MYT1: variants seen among roughly 807,000 people sequenced by gnomAD.
The protein encoded by MYT1 is myelin transcription factor 1, also known as myelin transcription factor I.
A neutral mutation model predicts 123.0 loss-of-function variants in MYT1; 23 were observed. The ratio of observed to expected loss-of-function variants is 0.19; its 90% CI spans 0.13 to 0.26. MYT1 has a LOEUF of 0.26. Ranked by LOEUF, MYT1 falls within the 10% of genes least tolerant of loss-of-function variation. MYT1 has a pLI of 1.00. For missense variants in MYT1, 1,125 were observed against 1,472.5 expected, an observed-to-expected ratio of 0.76 and a Z score of 3.86; for synonymous variants, 518 against 575.3, an observed-to-expected ratio of 0.90 and a Z score of 1.43.
chr20:64,199,144 G>T (rs1435702579), intron 3 of MYT1, among the ~76,000 whole-genome samples: 1 of 152,222 alleles, frequency 6.6e-6, no homozygotes, highest in Non-Finnish European at 1.5e-5. Flanking sequence ...AAATGTTGAG[G>T]TAGACCCAGC....
In MYT1 at chr20:64,227,473, C is replaced by A; in HGVS notation, c.2587C>A (p.Arg863=). The A allele has an allele frequency of 1.9e-6, 3 of 1,611,980 alleles. No homozygotes were observed. The highest frequency in any genetic ancestry group is 1.3e-5 in the African/African-American group (1 of 75,050). The change falls in exon 17 of 23, where the codon CGG becomes AGG. Residue 863 remains arginine (R), a synonymous_variant. Coordinates refer to ENST00000328439, the MANE Select transcript of MYT1 (RefSeq NM_004535.3). ...GHITGNYASH[R]SLSGCPRAKK... is the part of the protein sequence containing the mutation. ...CATCACAGGGAACTACGCTTCACACCGGAGGTGAGCCTGCCACACCCTCAG... is the reference window on the plus strand; with the variant it reads ...CATCACAGGGAACTACGCTTCACACAGGAGGTGAGCCTGCCACACCCTCAG...
chr20:64,235,559 C>T (rs1984492928), intron 19 of MYT1, among the ~76,000 whole-genome samples: 1 of 142,656 alleles, frequency 7.0e-6, no homozygotes, highest in Non-Finnish European at 1.5e-5. Context: ...GTATGTGACC[C>T]CGGGATGGTC....
rs562921725 is a variant in MYT1 at position 64,227,880 on chromosome 20, G to A, written c.2592-8G>A. On this transcript the variant is annotated splice_region_variant and splice_polypyrimidine_tract_variant and intron_variant, in intron 17 of 22. Coordinates refer to ENST00000328439, the MANE Select transcript of MYT1 (RefSeq NM_004535.3). ...CTAAGGTGGCCTTTTTTCCTCTTTC[G>A]AAATCAGCTTGTCCGGCTGCCCTCG... 5.7e-5 allele frequency: 92 copies of A among 1,608,836 alleles called. No individual in the cohort carries two copies. Among genetic ancestry groups the A allele is most frequent in the Non-Finnish European group, 6.0e-5 (71 of 1,178,232 alleles).
At position 64,186,760 on chromosome 20, in the gene MYT1, G is replaced by T. The variant is rs1296293006; in HGVS notation, c.-98-3303G>T. Among the ~76,000 whole-genome samples the T allele has an allele frequency of 6.6e-6, 1 of 152,250 alleles. No individual in the cohort carries two copies. Among genetic ancestry groups the T allele is most frequent in the Non-Finnish European group, 1.5e-5 (1 of 68,048 alleles). ...CCACGTTTCCGTGGAGAGATTTCCT[G>T]TAGCCCGTGGCCCCGGCATCCACGT... On this transcript the variant is annotated intron_variant, in intron 1 of 22. Transcript: ENST00000328439. The surrounding 1 kb of genome is among the most constrained non-coding windows in gnomAD (Gnocchi z 4.3).
intron 1 of MYT1, among the ~76,000 whole-genome samples, chr20:64,173,520 T>G (rs1295016619): frequency 1.0e-4 from 13 of 128,336 alleles, no homozygotes; most frequent in South Asian, 2.6e-4. Flanking sequence ...CCTCCCTGAC[T>G]TCTCCTCCTG....
intron 1 of MYT1, among the ~76,000 whole-genome samples, chr20:64,178,805 C>T (rs1489098900): frequency 1.5e-5 from 2 of 130,344 alleles, no homozygotes; most frequent in Non-Finnish European, 3.2e-5. Context: ...AGCACTGAGC[C>T]GTTATTTGGT....
At chr20:64,176,498 T>C (rs188990009) in intron 1 of MYT1, among the ~76,000 whole-genome samples, 3 of 152,352 alleles carry the variant, frequency 2.0e-5, no homozygotes, top group Non-Finnish European at 4.4e-5. Flanking sequence ...TCTTCTAGCA[T>C]CTTTCCTGCT....
Position 64,240,320 on chromosome 20 carries a change from G to A in MYT1, c.3238G>A (p.Glu1080Lys). 1 of 1,613,756 alleles carries A rather than the reference G, an allele frequency of 6.2e-7. No individual in the cohort carries two copies. The highest frequency in any genetic ancestry group is 8.5e-7 in the Non-Finnish European group (1 of 1,179,818). ...SLANIRLPHM[E>K]PICEQNFDAY... ...TTGCTAACCTGGTTCTGTTCTCTAG[G>A]AGCCAATATGCGAACAGAATTTCGA... The change falls in exon 23 of 23, where the codon GAG becomes AAG. Residue 1080 changes from glutamate (E) to lysine (K), a missense_variant and splice_region_variant. Physicochemically the swap from Glu to Lys is moderately conservative, Grantham distance 56 (BLOSUM62 1). Around this residue, in one of 4 missense-constraint regions of MYT1, gnomAD observed 243 missense variants for 323.1 expected, o/e 0.75. Coordinates refer to ENST00000328439, the MANE Select transcript of MYT1 (RefSeq NM_004535.3).
At chr20:64,180,233 C>T (rs1214800510) in intron 1 of MYT1, among the ~76,000 whole-genome samples, 1 of 152,176 alleles carries the variant, frequency 6.6e-6, no homozygotes, top group Non-Finnish European at 1.5e-5. Flanking sequence ...ACACACGCCA[C>T]ACACACACCC....
At chr20:64,230,623 C>T (rs573153462) in intron 18 of MYT1, among the ~76,000 whole-genome samples, 1 of 152,368 alleles carries the variant, frequency 6.6e-6, no homozygotes, top group East Asian at 1.9e-4. Flanking sequence ...CCAGTCTGTG[C>T]CTGGTGCAGG....
Position 64,218,767 on chromosome 20 carries a change from C to T in MYT1, c.1847-144C>T. On this transcript the variant is annotated intron_variant, in intron 11 of 22. Transcript: ENST00000328439. This position sits in a 1 kb window ranked among gnomAD's most constrained non-coding sequence, Gnocchi z 4.0. ...TCCCAAAGTGCCCCCTCCCCACTGACTTGTCTGCATTGCTGCCTCTTTTCA... is the reference window on the plus strand; with the variant it reads ...TCCCAAAGTGCCCCCTCCCCACTGATTTGTCTGCATTGCTGCCTCTTTTCA... 1 of 1,068,606 alleles carries T rather than the reference C, an allele frequency of 9.4e-7. No individual in the cohort carries two copies. Among genetic ancestry groups the T allele is most frequent in the Non-Finnish European group, 1.4e-6 (1 of 711,582 alleles). The allele number at this position is 1,068,606 out of a possible 1,614,324, so 66.2% of individuals were successfully genotyped here.
At chr20:64,229,800 G>T (rs1984270233) in intron 18 of MYT1, among the ~76,000 whole-genome samples, 1 of 152,196 alleles carries the variant, frequency 6.6e-6, no homozygotes, top group African/African-American at 2.4e-5. Context: ...TCAGGCGCTT[G>T]GTGGTAAATC....
At position 64,212,566 on chromosome 20, in the gene MYT1, A is replaced by G. The variant is rs1468278895; in HGVS notation, c.1517+428A>G. ...AGGGAGCAATGCACCCTCTGTGAAG[A>G]GAGGTACAACAACCATGTGAGAGCC... On this transcript the variant is annotated intron_variant, in intron 9 of 22. Transcript: ENST00000328439. The surrounding 1 kb of genome is among the most constrained non-coding windows in gnomAD (Gnocchi z 6.8). 6.6e-6 allele frequency among the ~76,000 whole-genome samples: 1 copy of G among 152,144 alleles called. No individual in the cohort carries two copies. Among genetic ancestry groups the G allele is most frequent in the Non-Finnish European group, 1.5e-5 (1 of 68,006 alleles).
At chr20:64,169,682 CAG>C (rs796878128) in intron 1 of MYT1, among the ~76,000 whole-genome samples, 45 of 152,266 alleles carry the variant, frequency 3.0e-4, no homozygotes, top group African/African-American at 9.4e-4. Flanking sequence ...TAGGGAAAAA[CAG>C]AGATTTGAAA....
rs563124017 is a variant in MYT1, at chr20:64,242,169, T to C, written c.*1721T>C. The C allele has an allele frequency of 4.6e-5, 7 of 152,754 alleles. No individual in the cohort carries two copies. The highest frequency in any genetic ancestry group is 1.7e-4 in the African/African-American group (7 of 41,572). 9.5% of individuals were successfully genotyped at this position (152,754 alleles called of 1,614,324 possible). On this transcript the variant is annotated 3_prime_UTR_variant, in exon 23 of 23. Transcript: ENST00000328439. ...GACAGCTCCAATACTGTGACCCTCC[T>C]TCCTCAGGAAGCGCGTTGAACCCAC...
chr20:64,239,648 C>A, intron 21 of MYT1, 112 bp from the exon 22 acceptor site: 1 of 1,480,080 alleles, frequency 6.8e-7, no homozygotes, highest in Non-Finnish European at 9.1e-7. Flanking sequence ...GCCTCTTCCC[C>A]CACCCCAGGG....
At chr20:64,227,996 T>TCCCCGGAATAAGCA (rs776979154) in intron 18 of MYT1, 25 bp downstream of exon 18, 1 of 1,604,918 alleles carries the variant, frequency 6.2e-7, no homozygotes, top group Non-Finnish European at 8.5e-7. Flanking sequence ...GCTGGCTCTT[T>TCCCCGGAATAAGCA]CATTGCATTG....
intron 16 of MYT1, among the ~76,000 whole-genome samples, chr20:64,226,447 G>A (rs755809441): frequency 3.1e-4 from 47 of 152,346 alleles, no homozygotes; most frequent in South Asian, 2.7e-3. Flanking sequence ...AAAGTGAGAC[G>A]TCCTCCCTGG....
intron 1 of MYT1, among the ~76,000 whole-genome samples, chr20:64,176,718 C>T (rs865789950): frequency 5.9e-5 from 9 of 152,304 alleles, no homozygotes; most frequent in East Asian, 1.9e-4. Flanking sequence ...TCCGGGCACC[C>T]GGCCTGGGTG....
Sources: allele counts gnomAD v4.1 joint callset (sites outside exome capture counted in the v4.1 genomes callset), GRCh38; gene constraint gnomAD v4.1.1; regional missense constraint gnomAD v4.1.1; non-coding constraint Gnocchi (gnomAD v3.1); transcripts MANE v1.5; gene names NCBI Gene and HGNC (gene_info 2026-07-23, HGNC 2026-07-21).